Variants in MMEL1 observed in about 807,000 individuals in gnomAD.
MMEL1 encodes the protein membrane metallo-endopeptidase-like 1.
In MMEL1, 98 loss-of-function variants were observed where a neutral mutation model predicts 117.1. The ratio of observed to expected loss-of-function variants is 0.84; its 90% CI spans 0.71 to 0.99. MMEL1 has a LOEUF of 0.99. MMEL1 is among the 50% of genes least tolerant of loss of function. The pLI is 0.00. For missense variants in MMEL1, 1,014 were observed against 1,049.1 expected, an observed-to-expected ratio of 0.97 and a Z score of 0.46; for synonymous variants, 390 against 415.1, an observed-to-expected ratio of 0.94 and a Z score of 0.74.
intron 1 of MMEL1, among the ~76,000 whole-genome samples, chr1:2,631,729 C>T (rs1307549789): frequency 6.6e-6 from 1 of 152,142 alleles, no homozygotes; most frequent in African/African-American, 2.4e-5. Context: ...CACCCCTATC[C>T]CGCCACTGGC....
chr1:2,632,973 C>T lies in MMEL1; in HGVS notation c.-145G>A. 1 of 985,866 alleles carries T rather than the reference C, an allele frequency of 1.0e-6. No homozygotes were observed. Among genetic ancestry groups the T allele is most frequent in the Non-Finnish European group, 1.2e-6 (1 of 830,256 alleles). The allele number at this position is 985,866 out of a possible 1,614,324, so 61.1% of individuals were successfully genotyped here. A position where few individuals can be genotyped will look rare whatever the true frequency, so the allele number is the denominator to read the frequency against. ...GGCCAAGTGGGTGGATTTCCAGGGA[C>T]TGGGATGGGAGAGCAGTGGCTTGGG... On this transcript the variant is annotated 5_prime_UTR_variant, in exon 1 of 24. Transcript: ENST00000378412.
intron 6 of MMEL1, among the ~76,000 whole-genome samples, chr1:2,608,940 T>C (rs1175927473): frequency 6.6e-6 from 1 of 151,784 alleles, no homozygotes; most frequent in African/African-American, 2.4e-5. Flanking sequence ...CACATATACA[T>C]ACACAATATA....
At chr1:2,609,203 C>A (rs538055913) in intron 6 of MMEL1, 136 bp downstream of exon 6, 2 of 805,946 alleles carry the variant, frequency 2.5e-6, no homozygotes, top group African/African-American at 1.7e-5. Flanking sequence ...AGCACATAGA[C>A]CCTCTGGCAT....
chr1:2,619,383 T>G (rs1165269251), intron 2 of MMEL1, among the ~76,000 whole-genome samples: 2 of 152,100 alleles, frequency 1.3e-5, no homozygotes, highest in Non-Finnish European at 2.9e-5. Context: ...CTAGGCCAGG[T>G]GTGGTGGCTC....
At position 2,595,286 on chromosome 1, in the gene MMEL1, T is replaced by TC; in HGVS notation, c.1573dup (p.Glu525GlyfsTer14). 1 of 1,613,636 alleles carries TC rather than the reference T, an allele frequency of 6.2e-7. No homozygotes were observed. Among genetic ancestry groups the TC allele is most frequent in the Non-Finnish European group, 8.5e-7 (1 of 1,179,938 alleles). ...GGGTTGGGGGCGCACATTGGAGTACTCCTCGTCCAGGCGCCTGTTCATCTC... is the reference window on the plus strand; with the variant it reads ...GGGTTGGGGGCGCACATTGGAGTACTCCCTCGTCCAGGCGCCTGTTCATCTC... On this transcript the variant is annotated frameshift_variant, in exon 16 of 24. Coordinates refer to ENST00000378412, the MANE Select transcript of MMEL1 (RefSeq NM_033467.4). LOFTEE classifies it high-confidence loss of function. The surrounding 1 kb of genome is among the most constrained non-coding windows in gnomAD (Gnocchi z 4.8).
Position 2,596,935 on chromosome 1 carries a change from T to C in MMEL1, c.1273-246A>G, listed in dbSNP as rs966545022. The stretch of plus-strand genomic sequence containing the variant: ...AGAGCTGGGCCTTTACCCTGAGGAG[T>C]TGGGGGGGTTCCTCCCCGGCCCCTG... On this transcript the variant is annotated intron_variant, in intron 13 of 23. Coordinates refer to ENST00000378412, the MANE Select transcript of MMEL1 (RefSeq NM_033467.4). 3.3e-5 allele frequency among the ~76,000 whole-genome samples: 5 copies of C among 151,880 alleles called. 1 individual carries two copies. In the South Asian group the frequency reaches 8.3e-4, roughly 25 times the overall value.
intron 2 of MMEL1, 49 bp downstream of exon 2, chr1:2,629,282 C>T (rs1302032457): frequency 2.0e-6 from 3 of 1,497,166 alleles, no homozygotes; most frequent in Non-Finnish European, 1.8e-6. Flanking sequence ...GCGGGGCGAG[C>T]GCGGAGAGCG....
chr1:2,630,736 CGT>C (rs1638525512), intron 1 of MMEL1, among the ~76,000 whole-genome samples: 1 of 135,752 alleles, frequency 7.4e-6, no homozygotes, highest in African/African-American at 2.8e-5. Flanking sequence ...TGCACGTGTG[CGT>C]GTGCTCTCAT....
At chr1:2,594,023 C>A in intron 18 of MMEL1, 90 bp from the exon 19 acceptor site, 1 of 1,445,206 alleles carries the variant, frequency 6.9e-7, no homozygotes, top group Admixed American at 2.5e-5. Flanking sequence ...GGGGTTCTGA[C>A]ACTTGATCCC....
At position 2,604,130 on chromosome 1, in the gene MMEL1, C is replaced by CCCCCCCCCCCCCCAACCAGG; in HGVS notation, c.951+16_951+17insCCTGGTTGGGGGGGGGGGGG. ...GCCCACTCGCTGCCCGCTCCCCACC[C>CCCCCCCCCCCCCCAACCAGG]GCCCCGGCCCCCTTACCTTGGCCAG... On this transcript the variant is annotated intron_variant, in intron 10 of 23. Transcript: ENST00000378412. 1 of 1,508,146 alleles carries CCCCCCCCCCCCCCAACCAGG rather than the reference C, an allele frequency of 6.6e-7. No homozygotes were observed. Among genetic ancestry groups the CCCCCCCCCCCCCCAACCAGG allele is most frequent in the Non-Finnish European group, 9.2e-7 (1 of 1,092,012 alleles). 93.4% of individuals were successfully genotyped at this position (1,508,146 alleles called of 1,614,324 possible).
chr1:2,627,313 T>C (rs1638323608), intron 2 of MMEL1, among the ~76,000 whole-genome samples: 2 of 152,258 alleles, frequency 1.3e-5, no homozygotes, highest in African/African-American at 4.8e-5. Flanking sequence ...GGTGATTCTT[T>C]AGTGCAAGAT....
intron 1 of MMEL1, 196 bp from the exon 2 acceptor site, chr1:2,629,717 C>CT: frequency 3.9e-6 from 2 of 512,158 alleles, no homozygotes; most frequent in South Asian, 3.0e-5. Context: ...GCCGGAATCT[C>CT]TGAGTGCATG....
At chr1:2,622,019 G>A (rs980428171) in intron 2 of MMEL1, among the ~76,000 whole-genome samples, 8 of 152,174 alleles carry the variant, frequency 5.3e-5, no homozygotes, top group African/African-American at 1.7e-4. Flanking sequence ...CTCTGCAAAT[G>A]TTTTACAGAG....
chr1:2,595,174 C>T lies in MMEL1; in HGVS notation c.1584+102G>A. 9.3e-7 allele frequency: 1 copy of T among 1,076,182 alleles called. No individual in the cohort carries two copies. Among genetic ancestry groups the T allele is most frequent in the Non-Finnish European group, 1.4e-6 (1 of 724,634 alleles). 66.7% of individuals were successfully genotyped at this position (1,076,182 alleles called of 1,614,324 possible). Reference sequence around the variant, plus strand: ...CACGGTGAGGACAGCTGTGTTAGCGCCTGGGAGGAGGGCACAGAGCTTGGC... The same window carrying T: ...CACGGTGAGGACAGCTGTGTTAGCGTCTGGGAGGAGGGCACAGAGCTTGGC... On this transcript the variant is annotated intron_variant, in intron 16 of 23. Coordinates refer to ENST00000378412, the MANE Select transcript of MMEL1 (RefSeq NM_033467.4). This position sits in a 1 kb window ranked among gnomAD's most constrained non-coding sequence, Gnocchi z 4.8.
At chr1:2,606,830 G>A in intron 7 of MMEL1, 144 bp downstream of exon 7, 4 of 716,630 alleles carry the variant, frequency 5.6e-6, no homozygotes, top group South Asian at 3.4e-5. Context: ...GGTTGCCCCG[G>A]CTGGGTTGGG....
chr1:2,594,209 G>T, intron 18 of MMEL1, 176 bp downstream of exon 18: 1 of 827,028 alleles, frequency 1.2e-6, no homozygotes, highest in Non-Finnish European at 1.9e-6. Flanking sequence ...TCCCGAAGCC[G>T]CTCATGGGCA....
chr1:2,604,761 G>A (rs753558323), intron 9 of MMEL1, among the ~76,000 whole-genome samples: 4 of 152,144 alleles, frequency 2.6e-5, no homozygotes, highest in African/African-American at 9.7e-5. Context: ...TGCCTTCCTC[G>A]CGCTGGGCAG....
chr1:2,619,655 C>CAAAAAAAAAAAAAAA (rs58007311), intron 2 of MMEL1, among the ~76,000 whole-genome samples: 1 of 119,798 alleles, frequency 8.3e-6, no homozygotes, highest in Non-Finnish European at 1.8e-5. Flanking sequence ...GAGACTCTAT[C>CAAAAAAAAAAAAAAA]AAAAAAAAAA....
chr1:2,616,369 A>G (rs1203236000), intron 2 of MMEL1, among the ~76,000 whole-genome samples: 1 of 151,562 alleles, frequency 6.6e-6, no homozygotes. Flanking sequence ...AAGCAGACAA[A>G]AAAAGACACA....
Sources: gnomAD v4.1 joint callset for allele counts (sites outside exome capture counted in the v4.1 genomes callset) on GRCh38, gnomAD v4.1.1 for gene constraint, Gnocchi (gnomAD v3.1) non-coding constraint, MANE v1.5 for transcripts, NCBI Gene and HGNC (gene_info 2026-07-23, HGNC 2026-07-21) for gene names.